SLC8A1: variants seen among roughly 807,000 people sequenced by gnomAD.
SLC8A1 encodes the protein sodium/calcium exchanger 1.
SLC8A1 carries 18 observed loss-of-function variants against 68.3 expected under a neutral mutation model. That is an observed-to-expected ratio of 0.26 (90% confidence interval 0.18 to 0.39). The LOEUF (loss-of-function observed/expected upper bound fraction) is 0.39, where lower values mean the gene tolerates loss of function less well. Among genes scored for constraint, SLC8A1 ranks in the 10% least tolerant of loss-of-function variants. The pLI is 1.00. For missense variants in SLC8A1, 985 were observed against 1,156.7 expected, an observed-to-expected ratio of 0.85 and a Z score of 2.15; for synonymous variants, 475 against 415.5, an observed-to-expected ratio of 1.14 and a Z score of -1.74.
chr2:40,386,327 G>A (rs1215651342), intron 2 of SLC8A1, among the ~76,000 whole-genome samples: 1 of 150,764 alleles, frequency 6.6e-6, no homozygotes, highest in Non-Finnish European at 1.5e-5. Context: ...GTAAATGTGT[G>A]TGTGTATATA....
At chr2:40,261,610 T>C (rs1427296562) in intron 2 of SLC8A1, among the ~76,000 whole-genome samples, 1 of 152,176 alleles carries the variant, frequency 6.6e-6, no homozygotes, top group African/African-American at 2.4e-5. Flanking sequence ...AAAAATGAGG[T>C]AGCTCTATGT....
At chr2:40,496,605 G>T (rs187207277) in intron 1 of SLC8A1, among the ~76,000 whole-genome samples, 1 of 151,864 alleles carries the variant, frequency 6.6e-6, no homozygotes. Context: ...AGAAAGATCC[G>T]AATTACTTTC....
intron 2 of SLC8A1, chr2:40,189,894 T>C (rs953992611): frequency 6.6e-6 from 1 of 152,144 alleles, no homozygotes. Flanking sequence ...AAGGTAACGT[T>C]CCCCATCTTC....
At chr2:40,364,775 C>T (rs559399700) in intron 2 of SLC8A1, among the ~76,000 whole-genome samples, 1 of 152,048 alleles carries the variant, frequency 6.6e-6, no homozygotes, top group South Asian at 2.1e-4. Flanking sequence ...ACTTGTCAGC[C>T]CAGTTCTTGA....
At position 40,184,635 on chromosome 2, in the gene SLC8A1, C is replaced by T. The variant is rs536373628; in HGVS notation, c.1809-6780G>A. On this transcript the variant is annotated intron_variant, in intron 2 of 7. Coordinates refer to ENST00000406785, the Ensembl canonical transcript of SLC8A1. ...TAGACAAACTAAGCATTTCAGTTGC[C>T]GCAGAAGACAGTAATGCCTCATGTC... 2.6e-4 allele frequency among the ~76,000 whole-genome samples: 39 copies of T among 152,064 alleles called. 2 individuals carry two copies. Among genetic ancestry groups the T allele is most frequent in the Admixed American group, 1.6e-3 (24 of 15,266 alleles).
intron 2 of SLC8A1, among the ~76,000 whole-genome samples, chr2:40,334,788 C>G (rs546292629): frequency 1.3e-5 from 2 of 152,290 alleles, no homozygotes; most frequent in East Asian, 1.9e-4. Flanking sequence ...TAATTTGCAT[C>G]TGGGACATTT....
intron 2 of SLC8A1, among the ~76,000 whole-genome samples, chr2:40,263,463 C>T (rs1237906061): frequency 6.6e-6 from 1 of 152,150 alleles, no homozygotes; most frequent in African/African-American, 2.4e-5. Flanking sequence ...TGCTACAAGG[C>T]TACAGCAACC....
intron 5 of SLC8A1, 35 bp from the exon 9 acceptor site, chr2:40,160,899 G>T (rs1377784209): frequency 6.8e-7 from 1 of 1,477,314 alleles, no homozygotes; most frequent in Non-Finnish European, 9.5e-7. Flanking sequence ...TAAATGCTGG[G>T]TTCGCTAAGG....
intron 1 of SLC8A1, among the ~76,000 whole-genome samples, chr2:40,484,474 T>G (rs1463703994): frequency 6.6e-6 from 1 of 152,212 alleles, no homozygotes; most frequent in East Asian, 1.9e-4. Context: ...TACAATAGAT[T>G]ATGTTTATGT....
At chr2:40,112,761 G>T (rs1014320061) in exon 8 of SLC8A1, 4 of 152,494 alleles carry the variant, frequency 2.6e-5, no homozygotes, top group African/African-American at 9.7e-5. Context: ...TAAAAGATGG[G>T]ATACACTGGG....
intron 2 of SLC8A1, among the ~76,000 whole-genome samples, chr2:40,355,660 T>A (rs1421643982): frequency 6.6e-6 from 1 of 152,116 alleles, no homozygotes; most frequent in Non-Finnish European, 1.5e-5. Flanking sequence ...GCCAGGTCAC[T>A]AAGCCAGTCA....
At chr2:40,124,686 AAC>A (rs2037679087) in intron 7 of SLC8A1, among the ~76,000 whole-genome samples, 1 of 152,236 alleles carries the variant, frequency 6.6e-6, no homozygotes, top group African/African-American at 2.4e-5. Flanking sequence ...CAATTTTACA[AAC>A]ACACAAATTT....
At chr2:40,234,771 C>T (rs1214072550) in intron 2 of SLC8A1, among the ~76,000 whole-genome samples, 2 of 151,980 alleles carry the variant, frequency 1.3e-5, no homozygotes, top group Non-Finnish European at 2.9e-5. Context: ...TGAAATACGT[C>T]CCATCAATAC....
intron 2 of SLC8A1, among the ~76,000 whole-genome samples, chr2:40,390,386 A>C (rs951567425): frequency 2.0e-5 from 3 of 152,054 alleles, no homozygotes; most frequent in African/African-American, 7.2e-5. Context: ...GTCTGTGGCA[A>C]TTTCTCACCT....
At chr2:40,448,248 G>A (rs1701809985) in intron 1 of SLC8A1, among the ~76,000 whole-genome samples, 1 of 152,170 alleles carries the variant, frequency 6.6e-6, no homozygotes. Flanking sequence ...ATGGAGGACT[G>A]GGGATGGAAG....
chr2:40,205,630 C>T (rs567311134), intron 2 of SLC8A1, among the ~76,000 whole-genome samples: 9 of 151,906 alleles, frequency 5.9e-5, no homozygotes, highest in Admixed American at 5.9e-4. Flanking sequence ...GGGAACAACA[C>T]ACACTGGGGC....
chr2:40,304,517 C>A (rs1322420664), intron 2 of SLC8A1, among the ~76,000 whole-genome samples: 3 of 152,206 alleles, frequency 2.0e-5, no homozygotes, highest in Non-Finnish European at 2.9e-5. Flanking sequence ...CCAGTCTGGG[C>A]TGCTGCCTCT....
intron 6 of SLC8A1, among the ~76,000 whole-genome samples, chr2:40,149,842 C>G (rs1275155957): frequency 6.6e-5 from 10 of 152,076 alleles, no homozygotes; most frequent in Admixed American, 5.2e-4. Flanking sequence ...TTGTCTAATC[C>G]TAAGGCATCA....
At chr2:40,133,391 TGGGG>T (rs3059301) in intron 7 of SLC8A1, among the ~76,000 whole-genome samples, 53,138 of 144,210 alleles carry the variant, frequency 0.37, 10,773 homozygotes, top group Middle Eastern at 0.47. Context: ...TATACAAAAT[TGGGG>T]GGGGGGGGGG....
Sources: gnomAD v4.1 joint callset for allele counts (sites outside exome capture counted in the v4.1 genomes callset) on GRCh38, gnomAD v4.1.1 for gene constraint, MANE v1.5 for transcripts, NCBI Gene and HGNC (gene_info 2026-07-23, HGNC 2026-07-21) for gene names.